The following RGS6 variants were observed in gnomAD, a reference collection of about 807,000 sequenced individuals.
The protein encoded by RGS6 is regulator of G-protein signaling 6.
In RGS6, 30 loss-of-function variants were observed where a neutral mutation model predicts 78.5. The ratio of observed to expected loss-of-function variants is 0.38; its 90% CI spans 0.29 to 0.52. The LOEUF (loss-of-function observed/expected upper bound fraction) is 0.52. RGS6 is among the 20% of genes least tolerant of loss of function. The pLI, the probability that RGS6 is intolerant of heterozygous loss-of-function variation, is 0.85. For missense variants in RGS6, 495 were observed against 609.7 expected, an observed-to-expected ratio of 0.81 and a Z score of 1.98; for synonymous variants, 206 against 206.0, an observed-to-expected ratio of 1.00 and a Z score of 0.00.
chr14:71,884,847 A>G, the RGS6 span, among the ~76,000 whole-genome samples: 1 of 152,168 alleles, frequency 6.6e-6, no homozygotes, highest in Non-Finnish European at 1.5e-5. Context: ...AGGATGCAGT[A>G]AGAGTGGGCC....
At chr14:72,535,416 A>T (rs757755637) in intron 15 of RGS6, among the ~76,000 whole-genome samples, 4 of 152,116 alleles carry the variant, frequency 2.6e-5, no homozygotes, top group Admixed American at 6.5e-5. Flanking sequence ...TGAGATACGT[A>T]TTGATTCTGA....
intron 17 of RGS6, among the ~76,000 whole-genome samples, chr14:72,561,226 C>T (rs748687159): frequency 3.8e-4 from 58 of 152,280 alleles, no homozygotes; most frequent in Non-Finnish European, 7.5e-4. Context: ...GTAAACAAGA[C>T]GAGCCCTCAC....
the RGS6 span, among the ~76,000 whole-genome samples, chr14:72,572,654 G>A: frequency 1.3e-3 from 195 of 152,110 alleles, no homozygotes; most frequent in Middle Eastern, 0.01. Context: ...AGGTGGGGTG[G>A]AAATGAAAAA....
At chr14:72,004,085 A>G (rs1326186601) in intron 2 of RGS6, among the ~76,000 whole-genome samples, 2 of 152,176 alleles carry the variant, frequency 1.3e-5, no homozygotes, top group African/African-American at 4.8e-5. Flanking sequence ...GAATGCTTCC[A>G]AAGCTCCCCA....
At chr14:72,465,969 G>T in intron 7 of RGS6, 147 bp downstream of exon 7, 2 of 591,690 alleles carry the variant, frequency 3.4e-6, no homozygotes, top group East Asian at 2.9e-5. Flanking sequence ...CTCCTCCCTT[G>T]TTCTCAGCTC....
chr14:72,554,462 A>G (rs1176392819), intron 17 of RGS6, among the ~76,000 whole-genome samples: 1 of 152,236 alleles, frequency 6.6e-6, no homozygotes, highest in Non-Finnish European at 1.5e-5. Context: ...GGAAAAAAGT[A>G]GCATCAACTT....
downstream of RGS6, among the ~76,000 whole-genome samples, chr14:72,567,424 T>C (rs1205714386): frequency 6.6e-6 from 1 of 152,178 alleles, no homozygotes; most frequent in Admixed American, 6.5e-5. Context: ...TCCAGAATCT[T>C]TGCTTATCGG....
chr14:71,886,093 C>A, the RGS6 span, among the ~76,000 whole-genome samples: 5 of 151,954 alleles, frequency 3.3e-5, no homozygotes, highest in African/African-American at 1.2e-4. Flanking sequence ...TTGATCATAT[C>A]ATCCCTTGCT....
In RGS6 at chr14:72,090,447, G is replaced by A. The variant is rs1049672957; in HGVS notation, c.84+125572G>A. Among the ~76,000 whole-genome samples, 6 of 152,168 alleles carry A rather than the reference G, an allele frequency of 3.9e-5. No homozygotes were observed. In the East Asian group the frequency reaches 7.7e-4, roughly 20 times the overall value. On this transcript the variant is annotated intron_variant, in intron 2 of 17. Transcript: ENST00000553525. ...GAACCCTATTGTGAACTGCACATGCGAGGGATCTAGGTTACCTGCTCCTTA... is the reference window on the plus strand; with the variant it reads ...GAACCCTATTGTGAACTGCACATGCAAGGGATCTAGGTTACCTGCTCCTTA...
intron 2 of RGS6, among the ~76,000 whole-genome samples, chr14:72,178,758 A>C (rs956588677): frequency 6.6e-6 from 1 of 152,172 alleles, no homozygotes; most frequent in Admixed American, 6.5e-5. Context: ...ATGACAAAAC[A>C]GAGTGTTAGT....
At chr14:71,973,975 A>G (rs2093967855) in intron 2 of RGS6, among the ~76,000 whole-genome samples, 1 of 152,122 alleles carries the variant, frequency 6.6e-6, no homozygotes, top group African/African-American at 2.4e-5. Context: ...GTTTCATATG[A>G]TGCATTTTGA....
rs1462575258 is a variant in RGS6, at chr14:72,052,981, CT to C, written c.84+88109del. 7.2e-5 allele frequency among the ~76,000 whole-genome samples: 3 copies of C among 41,468 alleles called. No homozygotes were observed. The East Asian group carries it at 4.5e-3, about 62-fold the overall frequency. The allele number at this position is 41,468 out of a possible 152,430, so 27.2% of individuals were successfully genotyped here. A position where few individuals can be genotyped will look rare whatever the true frequency, so the allele number is the denominator to read the frequency against. On this transcript the variant is annotated intron_variant, in intron 2 of 17. Coordinates refer to ENST00000553525, the MANE Select transcript of RGS6 (RefSeq NM_001204424.2). ...TCTTTCTTTCTTTCTTTCTTTCTTT[CT>C]TTCTCTCTCTCTCTCTCTCTCTCTT... is the stretch of plus-strand genomic sequence containing the variant.
chr14:72,476,547 A>T (rs1042333639), intron 10 of RGS6, among the ~76,000 whole-genome samples, 195 bp from the exon 11 acceptor site: 2 of 152,254 alleles, frequency 1.3e-5, no homozygotes, highest in African/African-American at 2.4e-5. Flanking sequence ...GATTTGGGTT[A>T]TAGTGGTACC....
the RGS6 span, among the ~76,000 whole-genome samples, chr14:72,594,131 G>A: frequency 1.9e-3 from 288 of 152,202 alleles, 2 homozygotes; most frequent in African/African-American, 6.6e-3. Flanking sequence ...TCTTTTATGA[G>A]GTAAGTATTT....
chr14:71,898,288 C>G, the RGS6 span, among the ~76,000 whole-genome samples: 11 of 33,626 alleles, frequency 3.3e-4, no homozygotes, highest in African/African-American at 5.5e-4. Context: ...CCTGACTTCT[C>G]CTCCAACCCT....
intron 3 of RGS6, among the ~76,000 whole-genome samples, chr14:72,426,052 T>A (rs2094422714): frequency 1.3e-5 from 2 of 152,160 alleles, no homozygotes; most frequent in African/African-American, 4.8e-5. Flanking sequence ...AACAAAAAAA[T>A]TCTAAAAACT....
At chr14:72,467,109 G>A (rs1362560198) in intron 7 of RGS6, among the ~76,000 whole-genome samples, 28 of 152,108 alleles carry the variant, frequency 1.8e-4, no homozygotes, top group Admixed American at 1.8e-3. Context: ...CAAAGCACTT[G>A]AAAACTCATA....
At chr14:72,106,415 C>G (rs1321194193) in intron 2 of RGS6, among the ~76,000 whole-genome samples, 2 of 152,182 alleles carry the variant, frequency 1.3e-5, no homozygotes, top group Non-Finnish European at 2.9e-5. Flanking sequence ...TCTTCCGAAG[C>G]TTCCCATGCA....
chr14:72,169,679 T>A (rs1051506388), intron 2 of RGS6, among the ~76,000 whole-genome samples: 2 of 152,220 alleles, frequency 1.3e-5, no homozygotes, highest in Non-Finnish European at 2.9e-5. Context: ...CTGGCCTACA[T>A]TTCCCAGCAT....
Sources: gnomAD v4.1 joint callset for allele counts (sites outside exome capture counted in the v4.1 genomes callset) on GRCh38, gnomAD v4.1.1 for gene constraint, MANE v1.5 for transcripts, NCBI Gene and HGNC (gene_info 2026-07-23, HGNC 2026-07-21) for gene names.